Variants in CD200R1 observed in about 807,000 individuals in gnomAD.
CD200R1 encodes the protein CD200 receptor 1.
Under a neutral mutation model 38.1 loss-of-function variants are expected in CD200R1, and 30 were observed. The observed-to-expected ratio is 0.79, with a 90% CI of 0.59 to 1.07. The LOEUF is 1.07. CD200R1 is among the 50% of genes least tolerant of loss of function. The pLI, the probability that CD200R1 is intolerant of heterozygous loss-of-function variation, is 0.00. For missense variants in CD200R1, 372 were observed against 415.4 expected, an observed-to-expected ratio of 0.90 and a Z score of 0.91; for synonymous variants, 128 against 152.1, an observed-to-expected ratio of 0.84 and a Z score of 1.16.
intron 1 of CD200R1, among the ~76,000 whole-genome samples, chr3:112,970,894 C>G (rs189340276): frequency 1.1e-3 from 172 of 152,294 alleles, no homozygotes; most frequent in African/African-American, 3.9e-3. Flanking sequence ...GGCTCCCTTC[C>G]TGTCTCTTCT....
At chr3:112,931,077 T>C (rs761594742) in intron 3 of CD200R1, 29 bp downstream of exon 3, 1 of 1,522,224 alleles carries the variant, frequency 6.6e-7, no homozygotes, top group Non-Finnish European at 9.1e-7. Context: ...CATCCCTAGG[T>C]GCTGGCCACT....
intron 1 of CD200R1, among the ~76,000 whole-genome samples, chr3:112,964,131 G>A (rs556845111): frequency 4.4e-4 from 67 of 152,354 alleles, no homozygotes; most frequent in Non-Finnish European, 7.5e-4. Context: ...ATACCTGGAT[G>A]TCCAGGCAGA....
rs1217461695 is a variant in CD200R1 at position 112,924,692 on chromosome 3, G to A, written c.879-157C>T. Among the ~76,000 whole-genome samples the A allele has an allele frequency of 3.3e-5, 5 of 152,116 alleles. No individual in the cohort carries two copies. In the South Asian group the frequency reaches 1.0e-3, roughly 31 times the overall value. On this transcript the variant is annotated intron_variant, in intron 6 of 7. Coordinates refer to ENST00000308611, the MANE Select transcript of CD200R1 (RefSeq NM_138806.4). Reference sequence around the variant, plus strand: ...CTACTAGAAATAAGTGAAGAATACTGCTCGTGGTTAATATCCCCAACTAAG... The same window carrying A: ...CTACTAGAAATAAGTGAAGAATACTACTCGTGGTTAATATCCCCAACTAAG...
chr3:112,939,121 C>T (rs1401072821), intron 2 of CD200R1, among the ~76,000 whole-genome samples: 1 of 151,876 alleles, frequency 6.6e-6, no homozygotes, highest in Non-Finnish European at 1.5e-5. Flanking sequence ...GAAGAAAGTA[C>T]TTCAACACAA....
At chr3:112,926,181 T>C (rs1454663991) in intron 5 of CD200R1, among the ~76,000 whole-genome samples, 1 of 152,148 alleles carries the variant, frequency 6.6e-6, no homozygotes, top group Non-Finnish European at 1.5e-5. Context: ...TACAAAACTC[T>C]ATCTGACAAG....
At chr3:112,931,649 T>A (rs561494494) in intron 2 of CD200R1, among the ~76,000 whole-genome samples, 1 of 152,286 alleles carries the variant, frequency 6.6e-6, no homozygotes, top group African/African-American at 2.4e-5. Context: ...TCCATCTCTG[T>A]TGCTTTCTCA....
At chr3:112,972,484 T>A (rs189280039) in intron 1 of CD200R1, among the ~76,000 whole-genome samples, 24 of 152,180 alleles carry the variant, frequency 1.6e-4, no homozygotes, top group Non-Finnish European at 2.8e-4. Flanking sequence ...ATGGAATAAT[T>A]TTAATTGGAA....
chr3:112,926,133 A>G (rs1343497520), intron 5 of CD200R1, among the ~76,000 whole-genome samples: 2 of 152,204 alleles, frequency 1.3e-5, no homozygotes, highest in Non-Finnish European at 2.9e-5. Context: ...TGAAATGAAT[A>G]CACAGCAGGA....
intron 1 of CD200R1, among the ~76,000 whole-genome samples, chr3:112,957,061 A>G (rs2107335205): frequency 6.6e-6 from 1 of 152,284 alleles, no homozygotes; most frequent in South Asian, 2.1e-4. Context: ...TTGGGGTCCA[A>G]GGCAAAGTTC....
At chr3:112,924,986 G>T in intron 6 of CD200R1, 99 bp downstream of exon 6, 1 of 722,622 alleles carries the variant, frequency 1.4e-6, no homozygotes, top group Non-Finnish European at 2.4e-6. Context: ...GAGATTTGAT[G>T]TTAACATCCT....
intron 2 of CD200R1, among the ~76,000 whole-genome samples, chr3:112,937,886 T>G (rs1425818603): frequency 6.6e-6 from 1 of 152,092 alleles, no homozygotes; most frequent in Non-Finnish European, 1.5e-5. Context: ...GTTTATAGTT[T>G]TTCTTAAAGA....
intron 2 of CD200R1, among the ~76,000 whole-genome samples, chr3:112,934,110 G>A (rs1940518720): frequency 6.6e-6 from 1 of 152,042 alleles, no homozygotes; most frequent in Non-Finnish European, 1.5e-5. Flanking sequence ...GAGAGAGAGA[G>A]AGATTCAGAT....
intron 1 of CD200R1, among the ~76,000 whole-genome samples, chr3:112,960,333 T>G (rs948463754): frequency 1.3e-5 from 2 of 152,078 alleles, no homozygotes; most frequent in African/African-American, 4.8e-5. Context: ...TCACAGCATA[T>G]TATCTTAATT....
intron 1 of CD200R1, among the ~76,000 whole-genome samples, chr3:112,968,522 G>T (rs879823295): frequency 2.0e-5 from 3 of 152,096 alleles, no homozygotes; most frequent in Admixed American, 6.5e-5. Flanking sequence ...GGAAATAGGG[G>T]ATCAGAGTTG....
chr3:112,948,900 A>G (rs1481530866), intron 1 of CD200R1, among the ~76,000 whole-genome samples: 2 of 152,214 alleles, frequency 1.3e-5, no homozygotes, highest in Non-Finnish European at 2.9e-5. Flanking sequence ...TAGGGAAACA[A>G]TTATAATGCA....
intron 2 of CD200R1, among the ~76,000 whole-genome samples, chr3:112,937,519 C>G (rs574854808): frequency 1.3e-5 from 2 of 152,244 alleles, no homozygotes; most frequent in Admixed American, 1.3e-4. Flanking sequence ...GGTGTTATTT[C>G]TGGGTTCTCT....
intron 1 of CD200R1, among the ~76,000 whole-genome samples, chr3:112,961,422 T>C (rs970260986): frequency 7.2e-5 from 11 of 152,004 alleles, no homozygotes; most frequent in African/African-American, 2.7e-4. Context: ...ACAAAAGTAC[T>C]GGAAGAAAAT....
chr3:112,947,885 AG>A lies in CD200R1; in HGVS notation c.106del (p.Leu36CysfsTer10). ...AGCATGATTCTCCTTGCTAGTTTGC[AG>A]CATTAATGAGTTGTTTGGTTGAGCA... is the stretch of plus-strand genomic sequence containing the variant. ...GAAQPNNSLM[L>X]QTSKENHALA... On this transcript the variant is annotated frameshift_variant, in exon 2 of 8. Coordinates refer to ENST00000308611, the MANE Select transcript of CD200R1 (RefSeq NM_138806.4). LOFTEE classifies it high-confidence loss of function. 3 of 1,613,212 alleles carry A rather than the reference AG, an allele frequency of 1.9e-6. No individual in the cohort carries two copies. In the African/African-American group the frequency reaches 4.0e-5, roughly 21 times the overall value.
intron 1 of CD200R1, among the ~76,000 whole-genome samples, chr3:112,964,293 T>C (rs1244213815): frequency 1.3e-5 from 2 of 152,174 alleles, no homozygotes; most frequent in East Asian, 3.9e-4. Flanking sequence ...GACCCCAGAA[T>C]GGTAGATCCA....
Sources: allele counts gnomAD v4.1 joint callset (sites outside exome capture counted in the v4.1 genomes callset), GRCh38; gene constraint gnomAD v4.1.1; transcripts MANE v1.5; gene names NCBI Gene and HGNC (gene_info 2026-07-23, HGNC 2026-07-21).